ARSG: variants seen among roughly 807,000 people sequenced by gnomAD.
The protein encoded by ARSG is arylsulfatase G.
Under a neutral mutation model 50.5 loss-of-function variants are expected in ARSG, and 37 were observed. The observed-to-expected ratio is 0.73, with a 90% CI of 0.56 to 0.96. The LOEUF is 0.96. Ranked by LOEUF, ARSG falls within the 50% of genes least tolerant of loss-of-function variation. The pLI is 0.00. For synonymous variants in ARSG, 225 were observed against 254.6 expected, an observed-to-expected ratio of 0.88 and a Z score of 1.11; for missense variants, 629 against 675.3, an observed-to-expected ratio of 0.93 and a Z score of 0.76.
At chr17:68,431,535 T>G in the ARSG span, among the ~76,000 whole-genome samples, 1 of 152,052 alleles carries the variant, frequency 6.6e-6, no homozygotes, top group Admixed American at 6.5e-5. Context: ...GGAATAAAGG[T>G]GTCTGAGGAG....
At chr17:68,301,195 T>G (rs919959649) in intron 1 of ARSG, among the ~76,000 whole-genome samples, 1 of 152,138 alleles carries the variant, frequency 6.6e-6, no homozygotes, top group African/African-American at 2.4e-5. Context: ...AAAGATGTCT[T>G]GTGCATCTTC....
At chr17:68,429,532 T>C in the ARSG span, among the ~76,000 whole-genome samples, 1 of 152,314 alleles carries the variant, frequency 6.6e-6, no homozygotes, top group Admixed American at 6.5e-5. Flanking sequence ...AGAATCCGTA[T>C]TGAAGTCAGA....
chr17:68,426,247 A>AGGGGGGGGGGGGGGGGGGGGG, downstream of ARSG: 1 of 655,806 alleles, frequency 1.5e-6, no homozygotes, highest in Non-Finnish European at 2.3e-6. Flanking sequence ...GCGGGTGGGG[A>AGGGGGGGGGGGGGGGGGGGGG]GCGGGGGCTC....
intron 2 of ARSG, among the ~76,000 whole-genome samples, chr17:68,325,048 G>A (rs2077447983): frequency 6.6e-6 from 1 of 152,248 alleles, no homozygotes. Flanking sequence ...TACAGCAGGG[G>A]TTCTCAACCC....
At chr17:68,262,121 A>C (rs2075080118) in intron 1 of ARSG, among the ~76,000 whole-genome samples, 1 of 146,000 alleles carries the variant, frequency 6.8e-6, no homozygotes, top group South Asian at 2.1e-4. Flanking sequence ...GTGCCATTGC[A>C]CTCCAGCGTG....
At chr17:68,341,597 G>C (rs996733438) in intron 2 of ARSG, among the ~76,000 whole-genome samples, 3 of 152,142 alleles carry the variant, frequency 2.0e-5, no homozygotes, top group Admixed American at 6.5e-5. Flanking sequence ...CAATCCTAGA[G>C]CATTCTTTAT....
rs569757151 is a variant in ARSG, at chr17:68,391,765, G to A, written c.1092-3308G>A. Among the ~76,000 whole-genome samples, 22 of 152,294 alleles carry A rather than the reference G, an allele frequency of 1.4e-4. 1 individual carries two copies. In the South Asian group the frequency reaches 3.9e-3, roughly 27 times the overall value. ...TCTGGACAGGTTTCTGGACTGTTCC[G>A]TGCTCTGCGAGTGCTGACTCTGCAT... On this transcript the variant is annotated intron_variant, in intron 9 of 11. Transcript: ENST00000621439.
chr17:68,346,687 AGAT>A, intron 3 of ARSG: 1 of 1,201,098 alleles, frequency 8.3e-7, no homozygotes, highest in South Asian at 1.5e-5. Context: ...CCAGAGAGGA[AGAT>A]GATGAAACCA....
At chr17:68,440,571 CCA>C in the ARSG span, 1 of 152,200 alleles carries the variant, frequency 6.6e-6, no homozygotes, top group Non-Finnish European at 1.5e-5. Flanking sequence ...ATATTTTCTT[CCA>C]GTCTTTTTTC....
At chr17:68,437,935 G>A in the ARSG span, among the ~76,000 whole-genome samples, 1 of 91,978 alleles carries the variant, frequency 1.1e-5, no homozygotes, top group Admixed American at 1.3e-4. Flanking sequence ...TCACGCAAGA[G>A]AGACATCTCT....
intron 1 of ARSG, among the ~76,000 whole-genome samples, chr17:68,281,013 C>A (rs1381550263): frequency 6.6e-6 from 1 of 151,718 alleles, no homozygotes; most frequent in Admixed American, 6.6e-5. Flanking sequence ...GTAGTCCCAG[C>A]TGCTTGGGAG....
At chr17:68,316,116 ATATGC>A (rs1364437723) in intron 2 of ARSG, among the ~76,000 whole-genome samples, 1 of 152,152 alleles carries the variant, frequency 6.6e-6, no homozygotes, top group Non-Finnish European at 1.5e-5. Flanking sequence ...TTCCTTGAAC[ATATGC>A]TTTTCCCTGC....
At chr17:68,298,393 C>G (rs1049528272) in intron 1 of ARSG, among the ~76,000 whole-genome samples, 2 of 151,790 alleles carry the variant, frequency 1.3e-5, no homozygotes, top group Non-Finnish European at 1.5e-5. Flanking sequence ...ACTTTGAGAT[C>G]AGGAGTTCAA....
chr17:68,450,786 G>T, the ARSG span: 1 of 1,613,978 alleles, frequency 6.2e-7, no homozygotes, highest in East Asian at 2.2e-5. Flanking sequence ...ACAGATCTCT[G>T]TGCCTTTCTT....
intron 1 of ARSG, among the ~76,000 whole-genome samples, chr17:68,275,514 T>TAATA: frequency 6.6e-6 from 1 of 152,350 alleles, no homozygotes; most frequent in East Asian, 1.9e-4. Flanking sequence ...TCTTCTGGTA[T>TAATA]AATAGTATTA....
At chr17:68,372,079 G>T (rs1215646938) in intron 8 of ARSG, among the ~76,000 whole-genome samples, 1 of 152,146 alleles carries the variant, frequency 6.6e-6, no homozygotes, top group Non-Finnish European at 1.5e-5. Flanking sequence ...TGTTTAGGAG[G>T]TATTTGTGTC....
the ARSG span, among the ~76,000 whole-genome samples, chr17:68,433,772 T>G: frequency 2.6e-3 from 52 of 20,024 alleles, no homozygotes; most frequent in African/African-American, 5.8e-3. Flanking sequence ...TTTTTTTTTT[T>G]TTTTTTTTTT....
chr17:68,437,447 C>T, the ARSG span, among the ~76,000 whole-genome samples: 15 of 150,952 alleles, frequency 9.9e-5, no homozygotes, highest in African/African-American at 3.4e-4. Context: ...CCCAGCTACT[C>T]GGGAGGCTGA....
intron 2 of ARSG, among the ~76,000 whole-genome samples, chr17:68,323,850 A>G (rs1555771480): frequency 6.6e-6 from 1 of 152,112 alleles, no homozygotes; most frequent in African/African-American, 2.4e-5. Context: ...AAGCGGGTGG[A>G]TCACCTGAGG....
Sources: allele counts gnomAD v4.1 joint callset (sites outside exome capture counted in the v4.1 genomes callset), GRCh38; gene constraint gnomAD v4.1.1; transcripts MANE v1.5; gene names NCBI Gene and HGNC (gene_info 2026-07-23, HGNC 2026-07-21).